Variants in CD2AP observed in about 807,000 individuals in gnomAD.
CD2AP encodes the protein CD2 associated protein.
CD2AP carries 46 observed loss-of-function variants against 85.1 expected under a neutral mutation model. The ratio of observed to expected loss-of-function variants is 0.54; its 90% CI spans 0.43 to 0.69. The LOEUF (loss-of-function observed/expected upper bound fraction) is 0.69. Among genes scored for constraint, CD2AP ranks in the 30% least tolerant of loss-of-function variants. The pLI, the probability that CD2AP is intolerant of heterozygous loss-of-function variation, is 0.00. For synonymous variants in CD2AP, 255 were observed against 252.9 expected (o/e 1.01, Z -0.08); for missense variants, 769 against 729.5 (o/e 1.05, Z -0.62).
At chr6:47,531,367 A>G (rs1337856425) in intron 2 of CD2AP, among the ~76,000 whole-genome samples, 1 of 152,004 alleles carries the variant, frequency 6.6e-6, no homozygotes, top group Middle Eastern at 3.2e-3. Flanking sequence ...CTGAAAGAAA[A>G]AACATTTATT....
intron 4 of CD2AP, among the ~76,000 whole-genome samples, chr6:47,552,819 T>A (rs1434205769): frequency 2.0e-5 from 3 of 152,192 alleles, no homozygotes; most frequent in African/African-American, 7.2e-5. Flanking sequence ...TCTGGTCACT[T>A]CATGCTTTAC....
chr6:47,566,714 G>A (rs184121600), intron 5 of CD2AP, among the ~76,000 whole-genome samples: 14 of 152,216 alleles, frequency 9.2e-5, no homozygotes, highest in Admixed American at 8.5e-4. Context: ...AACATGCAGT[G>A]TTTGGTTTTC....
rs1265447410 is a variant in CD2AP, at chr6:47,477,855, C to CT, written c.-390_-389insT. 1 of 315,506 alleles carries CT rather than the reference C, an allele frequency of 3.2e-6. No homozygotes were observed. The allele number at this position is 315,506 out of a possible 1,614,324, so 19.5% of individuals were successfully genotyped here. On this transcript the variant is annotated 5_prime_UTR_variant, in exon 1 of 18. Transcript: ENST00000359314. ...CTAACTGCGAGTGCTAAGGAAGAGG[C>CT]GAGGGGCGGGCTCCGAGGCTAGGCG...
intron 8 of CD2AP, 139 bp downstream of exon 8, chr6:47,577,242 C>A: frequency 1.6e-6 from 1 of 614,590 alleles, no homozygotes; most frequent in Non-Finnish European, 2.9e-6. Context: ...TTTCTAAGTC[C>A]TGAAAACTTG....
chr6:47,562,665 C>A, intron 5 of CD2AP: 2 of 556,460 alleles, frequency 3.6e-6, no homozygotes, highest in South Asian at 2.3e-5. Context: ...GTTAATACTG[C>A]CACTGCTTTA....
At chr6:47,538,521 C>T (rs1005689470) in intron 3 of CD2AP, among the ~76,000 whole-genome samples, 1 of 152,218 alleles carries the variant, frequency 6.6e-6, no homozygotes, top group African/African-American at 2.4e-5. Flanking sequence ...GCTGGGATTA[C>T]AGGCATAAGC....
At chr6:47,504,416 A>T (rs1766073549) in intron 2 of CD2AP, among the ~76,000 whole-genome samples, 1 of 152,234 alleles carries the variant, frequency 6.6e-6, no homozygotes, top group Admixed American at 6.5e-5. Flanking sequence ...GTATGAAAAC[A>T]TACAGTTGTC....
chr6:47,532,070 T>C (rs1463280990), intron 2 of CD2AP, among the ~76,000 whole-genome samples: 1 of 138,002 alleles, frequency 7.2e-6, no homozygotes, highest in East Asian at 2.0e-4. Context: ...TGAGACTCCT[T>C]CTCAAAAAAA....
In CD2AP at chr6:47,626,013, T is replaced by A. The variant is rs558664143; in HGVS notation, c.*1786T>A. The A allele has an allele frequency of 2.0e-4, 30 of 152,030 alleles. No individual in the cohort carries two copies. Among genetic ancestry groups the A allele is most frequent in the African/African-American group, 7.2e-4 (30 of 41,548 alleles). 9.4% of individuals were successfully genotyped at this position (152,030 alleles called of 1,614,324 possible). A position where few individuals can be genotyped will look rare whatever the true frequency, so the allele number is the denominator to read the frequency against. ...CTTACTTTCTTTTAATGACCAACCT[T>A]AGGTAAAACAAAAATATTGTAATCC... is the stretch of plus-strand genomic sequence containing the variant. On this transcript the variant is annotated 3_prime_UTR_variant, in exon 18 of 18. Coordinates refer to ENST00000359314, the MANE Select transcript of CD2AP (RefSeq NM_012120.3).
chr6:47,577,500 A>G (rs867492534), intron 8 of CD2AP, among the ~76,000 whole-genome samples: 12 of 152,256 alleles, frequency 7.9e-5, no homozygotes, highest in African/African-American at 2.6e-4. Flanking sequence ...TAGGGAAACA[A>G]GCTAAACATC....
chr6:47,579,055 C>T (rs1260606516), intron 8 of CD2AP, among the ~76,000 whole-genome samples: 1 of 152,134 alleles, frequency 6.6e-6, no homozygotes, highest in African/African-American at 2.4e-5. Context: ...AATTTTGTAA[C>T]TGCTGCTAAA....
At position 47,489,401 on chromosome 6, in the gene CD2AP, CCT is replaced by C. The variant is rs773265101; in HGVS notation, c.4+11154_4+11155del. On this transcript the variant is annotated intron_variant, in intron 1 of 17. Transcript: ENST00000359314. ...ATGTTGGCCAGGCTGGTTTCGAACT[CCT>C]GACCTCAGGTGATCTGCCCGCCTCG... 3.3e-5 allele frequency among the ~76,000 whole-genome samples: 5 copies of C among 152,008 alleles called. No individual in the cohort carries two copies. The South Asian group carries it at 6.2e-4, about 19-fold the overall frequency.
intron 5 of CD2AP, among the ~76,000 whole-genome samples, chr6:47,559,303 A>C (rs1483594383): frequency 6.8e-6 from 1 of 147,590 alleles, no homozygotes; most frequent in Non-Finnish European, 1.5e-5. Flanking sequence ...TTTGTTGCCG[A>C]GCCTGGTGTG....
At chr6:47,558,771 G>C (rs12201562) in intron 5 of CD2AP, among the ~76,000 whole-genome samples, 46,911 of 152,056 alleles carry the variant, frequency 0.31, 8,468 homozygotes, top group Middle Eastern at 0.51. Context: ...AGGGATATTG[G>C]CCTGAAATTT....
At chr6:47,597,198 G>A (rs1156803154) in intron 12 of CD2AP, among the ~76,000 whole-genome samples, 2 of 150,702 alleles carry the variant, frequency 1.3e-5, no homozygotes, top group Non-Finnish European at 3.0e-5. Context: ...GCAAACCAAG[G>A]GCTCTTAGAG....
intron 13 of CD2AP, 105 bp downstream of exon 13, chr6:47,599,548 A>G: frequency 2.0e-6 from 2 of 1,006,134 alleles, no homozygotes; most frequent in Non-Finnish European, 3.0e-6. Context: ...AGTTGGATAA[A>G]GTTGAAATTA....
At chr6:47,616,155 G>C (rs1024171713) in intron 17 of CD2AP, among the ~76,000 whole-genome samples, 1 of 135,562 alleles carries the variant, frequency 7.4e-6, no homozygotes, top group African/African-American at 2.8e-5. Context: ...GCAATGGTGC[G>C]ATCTTGGCTC....
At chr6:47,572,834 C>T (rs968837860) in intron 5 of CD2AP, among the ~76,000 whole-genome samples, 21 of 152,104 alleles carry the variant, frequency 1.4e-4, no homozygotes, top group Non-Finnish European at 2.6e-4. Context: ...AATTCATATG[C>T]GGTGCTTAGC....
intron 4 of CD2AP, among the ~76,000 whole-genome samples, chr6:47,553,091 TATTG>T (rs1028214970): frequency 6.6e-6 from 1 of 152,092 alleles, no homozygotes; most frequent in Non-Finnish European, 1.5e-5. Flanking sequence ...GCCATCTGCT[TATTG>T]ATTTTTTCTT....
Sources: gnomAD v4.1 joint callset for allele counts (sites outside exome capture counted in the v4.1 genomes callset) on GRCh38, gnomAD v4.1.1 for gene constraint, MANE v1.5 for transcripts, NCBI Gene and HGNC (gene_info 2026-07-23, HGNC 2026-07-21) for gene names.